The following NPHP1 variants were observed in gnomAD, a reference collection of about 807,000 sequenced individuals.
The protein encoded by NPHP1 is nephrocystin-1.
NPHP1 carries 70 observed loss-of-function variants against 90.4 expected under a neutral mutation model. The observed-to-expected ratio is 0.77, with a 90% CI of 0.64 to 0.95. The LOEUF is 0.95. NPHP1 is among the 40% of genes least tolerant of loss of function. The pLI is 0.00. For synonymous variants in NPHP1, 256 were observed against 271.7 expected (o/e 0.94, Z 0.57); for missense variants, 764 against 795.9 (o/e 0.96, Z 0.48).
intron 16 of NPHP1, among the ~76,000 whole-genome samples, chr2:110,135,725 A>G (rs963983966): frequency 7.2e-5 from 11 of 152,148 alleles, no homozygotes; most frequent in Non-Finnish European, 1.3e-4. Flanking sequence ...TCTTCTATCA[A>G]AAGGAAGATG....
In NPHP1 at chr2:110,143,637, G is replaced by T; in HGVS notation, c.1434C>A (p.His478Gln). The T allele has an allele frequency of 1.2e-6, 2 of 1,610,168 alleles. No individual in the cohort carries two copies. Among genetic ancestry groups the T allele is most frequent in the Non-Finnish European group, 1.7e-6 (2 of 1,176,554 alleles). ...EVDPSISRRA[H>Q]GSVFYQIMTM... ...TCATAATCTGGTAGAAAACACTGCC[G>T]TGTGCTTTTAAGAAAAATCAAAAGT... Residue 478 changes from histidine (H) to glutamine (Q), a missense_variant, in exon 16 of 20, where the codon CAC becomes CAA. Transcript: ENST00000445609.
intron 8 of NPHP1, chr2:110,164,280 T>TC (rs1370836826): frequency 7.6e-6 from 4 of 527,658 alleles, no homozygotes; most frequent in Non-Finnish European, 1.4e-5. Flanking sequence ...CAAGTGATCC[T>TC]CCTGCTTCAG....
At position 110,168,440 on chromosome 2, in the gene NPHP1, A is replaced by C. The variant is rs1574136841; in HGVS notation, c.624+12T>G. ...AAAGTCTTAGAAAAGGAAGGCATAA[A>C]CCAAGACTAACCTCTAGGTAGGTTC... On this transcript the variant is annotated intron_variant, in intron 6 of 19. Transcript: ENST00000445609. The C allele has an allele frequency of 6.4e-7, 1 of 1,573,618 alleles. No homozygotes were observed. Among genetic ancestry groups the C allele is most frequent in the Admixed American group, 1.7e-5 (1 of 59,892 alleles).
intron 11 of NPHP1, among the ~76,000 whole-genome samples, chr2:110,159,145 T>C (rs1682122733): frequency 6.6e-6 from 1 of 152,034 alleles, no homozygotes; most frequent in Non-Finnish European, 1.5e-5. Context: ...GGTTATGACA[T>C]AATGTCCTTT....
chr2:110,172,962 C>CTTT (rs559012343), intron 4 of NPHP1, among the ~76,000 whole-genome samples: 4,115 of 136,016 alleles, frequency 0.03, 94 homozygotes, highest in Non-Finnish European at 0.039. Flanking sequence ...TTTTCTTTTT[C>CTTT]TTTTTTTTTT....
intron 1 of NPHP1, 60 bp from the exon 2 acceptor site, chr2:110,201,554 CTTCT>C (rs1685580057): frequency 8.3e-7 from 1 of 1,207,496 alleles, no homozygotes. Flanking sequence ...GGAAAGAAAA[CTTCT>C]TTTTTTATCC....
In NPHP1 at chr2:110,169,950, A is replaced by G. The variant is rs1683002730; in HGVS notation, c.378T>C (p.Ser126=). ...EEEEESESED[S]EDSGGEEEDA... is the part of the protein sequence containing the mutation. ...CTTCTTCCTCCCCACCACTGTCTTC[A>G]CTATCTTCACTTTCACTTTCTTCCT... The change falls in exon 5 of 20, where the codon AGT becomes AGC. Residue 126 remains serine, a synonymous_variant. Coordinates refer to ENST00000445609, the MANE Select transcript of NPHP1 (RefSeq NM_001128178.3). 6.2e-7 allele frequency: 1 copy of G among 1,607,216 alleles called. No homozygotes were observed. Among genetic ancestry groups the G allele is most frequent in the South Asian group, 1.1e-5 (1 of 90,942 alleles).
intron 14 of NPHP1, 138 bp downstream of exon 14, chr2:110,146,615 A>C: frequency 1.4e-6 from 1 of 713,564 alleles, no homozygotes; most frequent in Non-Finnish European, 2.6e-6. Flanking sequence ...CACTGCCTAA[A>C]CAACACTAAA....
chr2:110,124,843 G>T (rs1679237762), intron 19 of NPHP1: 1 of 191,990 alleles, frequency 5.2e-6, no homozygotes, highest in Non-Finnish European at 1.1e-5. Context: ...TGATCAAATG[G>T]AGGCTGAAAT....
intron 16 of NPHP1, 85 bp downstream of exon 16, chr2:110,143,457 A>C (rs1333883850): frequency 2.2e-6 from 2 of 916,432 alleles, no homozygotes; most frequent in Non-Finnish European, 3.6e-6. Flanking sequence ...AAGATGACTA[A>C]ATATGAGGAA....
intron 16 of NPHP1, among the ~76,000 whole-genome samples, chr2:110,138,472 ACT>A: frequency 6.6e-6 from 1 of 152,108 alleles, no homozygotes; most frequent in Non-Finnish European, 1.5e-5. Context: ...TCTTTTTTAA[ACT>A]GTCTTTTTTC....
rs780427871 is a variant in NPHP1, at chr2:110,123,964, C to G, written c.1861G>C (p.Glu621Gln). Reference protein sequence around the residue: ...STRLPPFRWAEEETETARWKV... With the variant: ...STRLPPFRWAQEETETARWKV... ...CACCGTGCAGTCTCAGTCTCTTCTTCTGCCCACCTGAATGGGGGTAGGCGT... is the reference window on the plus strand; with the variant it reads ...CACCGTGCAGTCTCAGTCTCTTCTTGTGCCCACCTGAATGGGGGTAGGCGT... Residue 621 changes from glutamate to glutamine, a missense_variant, in exon 20 of 20, where the codon GAA becomes CAA. Transcript: ENST00000445609. The G allele has an allele frequency of 1.2e-4, 187 of 1,614,042 alleles. No homozygotes were observed. The East Asian group carries it at 3.9e-3, about 34-fold the overall frequency.
chr2:110,140,522 C>T (rs1030550054), intron 16 of NPHP1, among the ~76,000 whole-genome samples: 11 of 152,060 alleles, frequency 7.2e-5, no homozygotes, highest in African/African-American at 2.7e-4. Context: ...TGAGGTCATA[C>T]AAAGTGTCTG....
At position 110,125,158 on chromosome 2, in the gene NPHP1, C is replaced by A. The variant is rs1679256214; in HGVS notation, c.1761+479G>T. 5 of 1,516,128 alleles carry A rather than the reference C, an allele frequency of 3.3e-6. No homozygotes were observed. The Admixed American group carries it at 1.1e-4, about 33-fold the overall frequency. The allele number at this position is 1,516,128 out of a possible 1,614,324, so 93.9% of individuals were successfully genotyped here. ...CTATAGCCCTTCCCATTTGCCAAAT[C>A]CTGGATGAGAGCAGTCAAACCACGA... is the stretch of plus-strand genomic sequence containing the variant. On this transcript the variant is annotated intron_variant, in intron 19 of 19. Transcript: ENST00000445609.
intron 9 of NPHP1, 109 bp downstream of exon 9, chr2:110,162,939 T>G: frequency 1.8e-4 from 132 of 749,954 alleles, no homozygotes; most frequent in Non-Finnish European, 2.7e-4. Flanking sequence ...CAAAGAGATG[T>G]GAGATTCAAC....
intron 17 of NPHP1, among the ~76,000 whole-genome samples, chr2:110,130,843 C>T (rs1041010708): frequency 1.3e-5 from 2 of 152,198 alleles, no homozygotes; most frequent in African/African-American, 4.8e-5. Flanking sequence ...CCTTACCCTA[C>T]ACATTAATCA....
rs1260473930 is a variant in NPHP1 at position 110,125,647 on chromosome 2, C to G, written c.1751G>C (p.Arg584Thr). ...SWAGKESTLK[R>T]SEKRDKEFLK... Reference sequence around the variant, plus strand: ...AGACTCATATTTTACCTTCTCTGATCTTTTTAATGTGCTTTCTTTTCCAGC... The same window carrying G: ...AGACTCATATTTTACCTTCTCTGATGTTTTTAATGTGCTTTCTTTTCCAGC... The change falls in exon 19 of 20, where the codon AGA (arginine) becomes ACA (threonine). Residue 584 changes from arginine to threonine, a missense_variant. Transcript: ENST00000445609. 1.2e-6 allele frequency: 2 copies of G among 1,613,240 alleles called. No homozygotes were observed. Among genetic ancestry groups the G allele is most frequent in the East Asian group, 2.2e-5 (1 of 44,864 alleles).
chr2:110,156,818 C>G lies in NPHP1; in HGVS notation c.1083+3309G>C, dbSNP rs575229471. ...TTTGAGACAGAGTTTCTCTCTGTCA[C>G]CAGGCTGGAGTGCAGTGGCGCAATC... On this transcript the variant is annotated intron_variant, in intron 11 of 19. Transcript: ENST00000445609. 4.7e-5 allele frequency among the ~76,000 whole-genome samples: 7 copies of G among 150,256 alleles called. 1 individual carries two copies. In the South Asian group the frequency reaches 1.5e-3, roughly 32 times the overall value.
At chr2:110,171,014 C>G (rs1038678887) in intron 4 of NPHP1, among the ~76,000 whole-genome samples, 16 of 151,976 alleles carry the variant, frequency 1.1e-4, no homozygotes, top group Non-Finnish European at 2.1e-4. Flanking sequence ...TGATATGATT[C>G]CCACTTTAGA....
Sources: allele counts gnomAD v4.1 joint callset (sites outside exome capture counted in the v4.1 genomes callset), GRCh38; gene constraint gnomAD v4.1.1; transcripts MANE v1.5; gene names NCBI Gene and HGNC (gene_info 2026-07-23, HGNC 2026-07-21).